Variants in SMUG1 observed in about 807,000 individuals in gnomAD.
The protein encoded by SMUG1 is single-strand-selective monofunctional uracil-DNA glycosylase 1.
Under a neutral mutation model 23.9 loss-of-function variants are expected in SMUG1, and 13 were observed. The observed-to-expected ratio is 0.54, with a 90% confidence interval of 0.35 to 0.86. SMUG1 has a LOEUF of 0.86. Among genes scored for constraint, SMUG1 ranks in the 40% least tolerant of loss-of-function variants. The probability of loss-of-function intolerance (pLI) is 0.01; values close to 1 mark genes in which losing one functional copy is unlikely to be tolerated. For synonymous variants in SMUG1, 133 were observed against 139.8 expected (o/e 0.95, Z 0.34); for missense variants, 313 against 339.5 (o/e 0.92, Z 0.61).
At position 54,184,957 on chromosome 12, in the gene SMUG1, C is replaced by T. The variant is rs74434929; in HGVS notation, c.-19-998G>A. ...GGCGGCTGAATCACCTTAGGTCAGG[C>T]GTTCAAAACTGGCCTGGCCAACATG... On this transcript the variant is annotated intron_variant, in intron 2 of 3. Transcript: ENST00000682136. 1.8e-3 allele frequency among the ~76,000 whole-genome samples: 276 copies of T among 152,200 alleles called. 10 individuals are homozygous for T. The East Asian group carries it at 0.048, about 26-fold the overall frequency.
downstream of SMUG1, among the ~76,000 whole-genome samples, chr12:54,175,737 G>A (rs1474075798): frequency 6.6e-6 from 1 of 152,102 alleles, no homozygotes; most frequent in African/African-American, 2.4e-5. Flanking sequence ...AGTGAACAAC[G>A]TGAGGGTAAA....
chr12:54,183,333 C>T (rs1941554755), intron 3 of SMUG1: 1 of 515,614 alleles, frequency 1.9e-6, no homozygotes, highest in Non-Finnish European at 3.4e-6. Flanking sequence ...CCTAGTCCCT[C>T]TTCTGACCCC....
intron 3 of SMUG1, among the ~76,000 whole-genome samples, chr12:54,166,136 G>A (rs952675939): frequency 6.6e-6 from 1 of 152,218 alleles, no homozygotes; most frequent in African/African-American, 2.4e-5. Context: ...GCTGAGGTGG[G>A]TGGATCATGA....
At chr12:54,165,202 A>C (rs1283544977) in intron 4 of SMUG1, among the ~76,000 whole-genome samples, 2 of 152,164 alleles carry the variant, frequency 1.3e-5, no homozygotes, top group Non-Finnish European at 2.9e-5. Context: ...CAACCCCTCC[A>C]ACCACCAGCA....
chr12:54,183,224 C>A (rs1158612116), intron 3 of SMUG1: 6 of 272,140 alleles, frequency 2.2e-5, no homozygotes, highest in Non-Finnish European at 4.1e-5. Flanking sequence ...CTGTTTTGAA[C>A]CTCGCCTTAG....
intron 3 of SMUG1, among the ~76,000 whole-genome samples, chr12:54,167,051 C>G (rs539613325): frequency 6.6e-6 from 1 of 152,184 alleles, no homozygotes; most frequent in African/African-American, 2.4e-5. Flanking sequence ...CTAGGGCCCC[C>G]GCTCCAAGGT....
intron 3 of SMUG1, among the ~76,000 whole-genome samples, chr12:54,167,577 T>C (rs1209051695): frequency 1.4e-5 from 2 of 142,238 alleles, no homozygotes; most frequent in African/African-American, 3.0e-5. Flanking sequence ...CTCCAGTCCA[T>C]GGTGCCCTAA....
chr12:54,184,008 A>G, intron 2 of SMUG1, 49 bp from the exon 3 acceptor site: 1 of 1,410,908 alleles, frequency 7.1e-7, no homozygotes, highest in Non-Finnish European at 9.3e-7. Flanking sequence ...GCCACAGAGT[A>G]GGAGGGATCC....
chr12:54,175,736 C>A (rs541598173), downstream of SMUG1, among the ~76,000 whole-genome samples: 1 of 152,270 alleles, frequency 6.6e-6, no homozygotes, highest in Admixed American at 6.5e-5. Flanking sequence ...CAGTGAACAA[C>A]GTGAGGGTAA....
Position 54,170,027 on chromosome 12 carries a change from C to T in SMUG1, c.*52+1998G>A, listed in dbSNP as rs548064417. 1.1e-4 allele frequency among the ~76,000 whole-genome samples: 16 copies of T among 152,154 alleles called. No homozygotes were observed. In the South Asian group the frequency reaches 2.1e-3, roughly 20 times the overall value. ...CAGCCTGACCAACATGGAGAAACCC[C>T]GTCTCTACTAAAAATACAAAATTAG... is the stretch of plus-strand genomic sequence containing the variant. On this transcript the variant is annotated intron_variant and NMD_transcript_variant, in intron 3 of 4. Coordinates refer to the SMUG1 transcript ENST00000509864.
Position 54,182,581 on chromosome 12 carries a change from T to TCCG in SMUG1, c.327_328insCGG (p.Gly109_Ile110insArg). ...GGAGGGGTCAGCACAGGCCCCACAA[T>TCCG]GCCCAACCAGTCCCGGACCATGCTT... On this transcript the variant is annotated inframe_insertion, in exon 4 of 4. Transcript: ENST00000682136. 1 of 1,614,034 alleles carries TCCG rather than the reference T, an allele frequency of 6.2e-7. No homozygotes were observed. Among genetic ancestry groups the TCCG allele is most frequent in the Non-Finnish European group, 8.5e-7 (1 of 1,179,986 alleles).
chr12:54,188,842 GA>G (rs1431359015), intron 1 of SMUG1, 108 bp downstream of exon 1: 1 of 151,918 alleles, frequency 6.6e-6, no homozygotes, highest in Non-Finnish European at 1.5e-5. Flanking sequence ...CGGAGGGAGG[GA>G]CCCCAAAATA....
rs550410075 is a variant in SMUG1, at chr12:54,182,310, C to T, written c.599G>A (p.Arg200Gln). 1.1e-5 allele frequency: 18 copies of T among 1,613,602 alleles called. No homozygotes were observed. Among genetic ancestry groups the T allele is most frequent in the South Asian group, 5.5e-5 (5 of 91,044 alleles). The change falls in exon 4 of 4, where the codon CGG becomes CAG. Residue 200 changes from arginine to glutamine, a missense_variant. Transcript: ENST00000682136. ...LLGICDAALC[R>Q]QVQLLGVRLV... ...CCGCACCCCCAGCAGCTGCACCTGC[C>T]GGCAGAGGGCTGCATCACAGATCCC... is the stretch of plus-strand genomic sequence containing the variant.
At chr12:54,176,692 A>G (rs1940767709), downstream of SMUG1, among the ~76,000 whole-genome samples, 2 of 151,724 alleles carry the variant, frequency 1.3e-5, no homozygotes, top group South Asian at 4.2e-4. Flanking sequence ...CTGTAGTCCC[A>G]GCTACTCAGG....
intron 3 of SMUG1, among the ~76,000 whole-genome samples, chr12:54,170,999 C>CTTTCT (rs753206889): frequency 7.0e-6 from 1 of 142,434 alleles, no homozygotes; most frequent in Non-Finnish European, 1.5e-5. Flanking sequence ...TTCTTTCTTT[C>CTTTCT]TTTTTTTTTT....
At chr12:54,175,184 G>A (rs1940723584) in intron 2 of SMUG1, 1 of 152,234 alleles carries the variant, frequency 6.6e-6, no homozygotes, top group South Asian at 2.1e-4. Flanking sequence ...CTTAGTCTGG[G>A]ATAGGCTGCA....
chr12:54,166,089 G>T (rs189588251), intron 3 of SMUG1, among the ~76,000 whole-genome samples: 2 of 152,194 alleles, frequency 1.3e-5, no homozygotes, highest in Admixed American at 6.5e-5. Context: ...CCGGTGGAGC[G>T]CAGTGGCTCA....
downstream of SMUG1, among the ~76,000 whole-genome samples, chr12:54,160,916 G>A (rs12299550): frequency 0.12 from 18,147 of 152,164 alleles, 1,199 homozygotes; most frequent in East Asian, 0.18. Flanking sequence ...GCGTGGCACC[G>A]GAGACAAACA....
chr12:54,183,709 C>T lies in SMUG1; in HGVS notation c.232G>A (p.Glu78Lys). Reference protein sequence around the residue: ...YVTRYCQGPKEVLFLGMNPGP... With the variant: ...YVTRYCQGPKKVLFLGMNPGP... ...GGGTTCATGCCCAGGAAGAGTACTT[C>T]CTTGGGGCCCTGGCAGTAGCGAGTC... The change falls in exon 3 of 4, where the codon GAA becomes AAA. Residue 78 changes from glutamate to lysine, a missense_variant. By Grantham distance (56) the Glu-to-Lys change is moderately conservative. Transcript: ENST00000682136. 1 of 1,614,012 alleles carries T rather than the reference C, an allele frequency of 6.2e-7. No individual in the cohort carries two copies. Among genetic ancestry groups the T allele is most frequent in the Non-Finnish European group, 8.5e-7 (1 of 1,179,932 alleles).
Sources: gnomAD v4.1 joint callset for allele counts (sites outside exome capture counted in the v4.1 genomes callset) on GRCh38, gnomAD v4.1.1 for gene constraint, MANE v1.5 for transcripts, NCBI Gene and HGNC (gene_info 2026-07-23, HGNC 2026-07-21) for gene names.